MED13L: variants seen among roughly 807,000 people sequenced by gnomAD.
MED13L encodes the protein mediator complex subunit 13L.
In MED13L, 7 loss-of-function variants were observed where a neutral mutation model predicts 220.9. The observed-to-expected ratio is 0.03, with a 90% CI of 0.02 to 0.06. MED13L has a LOEUF of 0.06. MED13L is among the 10% of genes least tolerant of loss of function. The pLI, the probability that MED13L is intolerant of heterozygous loss-of-function variation, is 1.00. For missense variants in MED13L, 1,965 were observed against 2,760.5 expected (o/e 0.71, Z 6.46); for synonymous variants, 1,011 against 1,015.2 (o/e 1.00, Z 0.08).
intron 2 of MED13L, among the ~76,000 whole-genome samples, chr12:116,130,117 A>C (rs903831165): frequency 6.6e-6 from 1 of 152,120 alleles, no homozygotes; most frequent in Non-Finnish European, 1.5e-5. Flanking sequence ...TCTTAAACTC[A>C]CAAAAAACTG....
intron 1 of MED13L, among the ~76,000 whole-genome samples, chr12:116,267,816 T>C (rs1443329575): frequency 6.6e-6 from 1 of 152,226 alleles, no homozygotes. Context: ...CCTACTATGC[T>C]ACAGAAAATC....
chr12:116,096,253 G>T (rs1401711774), intron 4 of MED13L, among the ~76,000 whole-genome samples: 1 of 149,788 alleles, frequency 6.7e-6, no homozygotes, highest in East Asian at 2.0e-4. Context: ...TACTTGGGAG[G>T]CTGAGTTGGG....
chr12:116,038,502 C>G (rs1001734799), intron 4 of MED13L, among the ~76,000 whole-genome samples: 2 of 152,026 alleles, frequency 1.3e-5, no homozygotes, highest in Non-Finnish European at 2.9e-5. Flanking sequence ...TTTACAAAAA[C>G]ATCCAACCAT....
chr12:116,235,967 A>C (rs577497432), intron 2 of MED13L, among the ~76,000 whole-genome samples: 1 of 152,192 alleles, frequency 6.6e-6, no homozygotes, highest in Non-Finnish European at 1.5e-5. Flanking sequence ...TAAGAAAGAC[A>C]CTTTTTAAAA....
chr12:116,084,356 T>C (rs1231255647), intron 4 of MED13L, among the ~76,000 whole-genome samples: 1 of 152,228 alleles, frequency 6.6e-6, no homozygotes, highest in African/African-American at 2.4e-5. Context: ...GTCAGTAGTA[T>C]ATGCTCTCAG....
chr12:116,044,063 C>G (rs137881242), intron 4 of MED13L, among the ~76,000 whole-genome samples: 2 of 152,116 alleles, frequency 1.3e-5, no homozygotes, highest in Admixed American at 1.3e-4. Flanking sequence ...CCAAGAATAA[C>G]GCCATTGTAC....
intron 1 of MED13L, among the ~76,000 whole-genome samples, chr12:116,253,700 G>A (rs1593214728): frequency 6.9e-6 from 1 of 145,510 alleles, no homozygotes; most frequent in Non-Finnish European, 1.5e-5. Context: ...CATCTCAATA[G>A]ATGCAGAAAA....
At chr12:116,156,573 C>A (rs1447992806) in intron 2 of MED13L, among the ~76,000 whole-genome samples, 1 of 152,102 alleles carries the variant, frequency 6.6e-6, no homozygotes, top group Non-Finnish European at 1.5e-5. Flanking sequence ...CCACAAGTAT[C>A]AATGCATCAA....
intron 9 of MED13L, 60 bp downstream of exon 9, chr12:116,012,737 T>C (rs1032492013): frequency 3.4e-6 from 4 of 1,174,766 alleles, no homozygotes; most frequent in African/African-American, 1.5e-5. Flanking sequence ...GGCCAGGAGA[T>C]GAATCAACAA....
chr12:116,008,535 C>A lies in MED13L; in HGVS notation c.1878G>T (p.Pro626=). ...TATGCCACCACTTTTCTGATGACTC[C>A]GGGTTCGAGGGCCTAATCCCACAAT... ...ALYCGIRPSN[P]ESSEKWWHSY... Residue 626 remains proline (P), a synonymous_variant, in exon 10 of 31, where the codon CCG becomes CCT. Transcript: ENST00000281928. 6.2e-7 allele frequency: 1 copy of A among 1,613,906 alleles called. No homozygotes were observed. The highest frequency in any genetic ancestry group is 8.5e-7 in the Non-Finnish European group (1 of 1,179,970).
chr12:116,048,172 A>G (rs1881951963), intron 4 of MED13L, among the ~76,000 whole-genome samples: 1 of 150,126 alleles, frequency 6.7e-6, no homozygotes, highest in Admixed American at 6.6e-5. Context: ...TTGAAAAAGA[A>G]TAAATAAATC....
rs147399484 is a variant in MED13L, at chr12:116,123,875, C to T, written c.311-12363G>A. 9.3e-3 allele frequency among the ~76,000 whole-genome samples: 1,418 copies of T among 152,132 alleles called. 21 individuals are homozygous for T. Among genetic ancestry groups the T allele is most frequent in the African/African-American group, 0.031 (1,303 of 41,526 alleles). ...TGGAAACACGATTCATTAGACACGCCTGGAGTGATAACAATGGTGCTGCTT... is the reference window on the plus strand; with the variant it reads ...TGGAAACACGATTCATTAGACACGCTTGGAGTGATAACAATGGTGCTGCTT... On this transcript the variant is annotated intron_variant, in intron 2 of 30. Transcript: ENST00000281928.
intron 2 of MED13L, among the ~76,000 whole-genome samples, chr12:116,142,356 T>C (rs1211731489): frequency 3.9e-5 from 6 of 152,202 alleles, no homozygotes; most frequent in Non-Finnish European, 2.9e-5. Flanking sequence ...CAAGTAAGCA[T>C]ATAGCAATAG....
chr12:116,087,835 T>C (rs1416213691), intron 4 of MED13L, among the ~76,000 whole-genome samples: 3 of 152,062 alleles, frequency 2.0e-5, no homozygotes, highest in African/African-American at 7.3e-5. Flanking sequence ...TAACTCCAAA[T>C]ATATAATAAA....
chr12:116,255,021 A>C (rs1271786142), intron 1 of MED13L, among the ~76,000 whole-genome samples: 1 of 152,198 alleles, frequency 6.6e-6, no homozygotes, highest in Admixed American at 6.5e-5. Flanking sequence ...CCCACAGAAA[A>C]AAAATTTTTA....
intron 3 of MED13L, among the ~76,000 whole-genome samples, chr12:116,109,113 C>T (rs903811162): frequency 3.0e-5 from 4 of 132,752 alleles, no homozygotes; most frequent in Non-Finnish European, 4.6e-5. Context: ...CTCTGTCACC[C>T]AGGCTAGAGT....
Position 115,960,557 on chromosome 12 carries a change from C to T in MED13L, c.*709G>A, listed in dbSNP as rs1043756666. ...GGCTTCTAGGACAGAGGTATGTAGT[C>T]AAAGAATCCTATGGTGGATCTGAAT... is the stretch of plus-strand genomic sequence containing the variant. On this transcript the variant is annotated 3_prime_UTR_variant, in exon 31 of 31. Coordinates refer to ENST00000281928, the MANE Select transcript of MED13L (RefSeq NM_015335.5). 1 of 153,374 alleles carries T rather than the reference C, an allele frequency of 6.5e-6. No homozygotes were observed. The highest frequency in any genetic ancestry group is 2.0e-4 in the South Asian group (1 of 4,902). The allele number at this position is 153,374 out of a possible 1,614,324, so 9.5% of individuals were successfully genotyped here. A position where few individuals can be genotyped will look rare whatever the true frequency, so the allele number is the denominator to read the frequency against.
intron 1 of MED13L, among the ~76,000 whole-genome samples, chr12:116,248,407 T>C (rs544142802): frequency 1.3e-5 from 2 of 152,242 alleles, no homozygotes; most frequent in South Asian, 4.2e-4. Context: ...TATGGGGGGT[T>C]AAGGAGAAGC....
Position 116,220,872 on chromosome 12 carries a change from T to C in MED13L, c.310+16596A>G, listed in dbSNP as rs563936306. On this transcript the variant is annotated intron_variant, in intron 2 of 30. Coordinates refer to ENST00000281928, the MANE Select transcript of MED13L (RefSeq NM_015335.5). ...AAACCACAGAGTTGGGGGAAAAAAC[T>C]GTGTGGTTCTGCACTTTTAAACAAA... Among the ~76,000 whole-genome samples, 28 of 152,290 alleles carry C rather than the reference T, an allele frequency of 1.8e-4. No individual in the cohort carries two copies. In the South Asian group the frequency reaches 5.6e-3, roughly 30 times the overall value.
Sources: allele counts gnomAD v4.1 joint callset (sites outside exome capture counted in the v4.1 genomes callset), GRCh38; gene constraint gnomAD v4.1.1; transcripts MANE v1.5; gene names NCBI Gene and HGNC (gene_info 2026-07-23, HGNC 2026-07-21).